The following PHF14 variants were observed in gnomAD, a reference collection of about 807,000 sequenced individuals.
The protein encoded by PHF14 is PHD finger protein 14.
A neutral mutation model predicts 117.9 loss-of-function variants in PHF14; 55 were observed. The observed-to-expected ratio is 0.47, with a 90% confidence interval of 0.38 to 0.58. The LOEUF is 0.58. Among genes scored for constraint, PHF14 ranks in the 20% least tolerant of loss-of-function variants. PHF14 has a pLI of 0.00. For missense variants in PHF14, 978 were observed against 1,122.2 expected, an observed-to-expected ratio of 0.87 and a Z score of 1.84; for synonymous variants, 409 against 368.6, an observed-to-expected ratio of 1.11 and a Z score of -1.26.
rs1159493505 is a variant in PHF14 at position 11,036,404 on chromosome 7, C to T, written c.1603-14C>T. 8 of 1,574,690 alleles carry T rather than the reference C, an allele frequency of 5.1e-6. No individual in the cohort carries two copies. The East Asian group carries it at 1.4e-4, about 27-fold the overall frequency. On this transcript the variant is annotated splice_polypyrimidine_tract_variant and intron_variant, in intron 8 of 17. Coordinates refer to ENST00000634607, the MANE Select transcript of PHF14 (RefSeq NM_001007157.2). ...TTTATTATCTTTTAAAATTTGAATA[C>T]ATTTCTTTTATAGGCAAGGATCAAT...
chr7:11,055,320 CT>C (rs1199025920), intron 14 of PHF14, among the ~76,000 whole-genome samples: 1 of 152,068 alleles, frequency 6.6e-6, no homozygotes, highest in Non-Finnish European at 1.5e-5. Flanking sequence ...TTCAGATTTT[CT>C]TTTTGCTTTC....
intron 16 of PHF14, chr7:11,110,142 T>G (rs956226633): frequency 1.3e-5 from 2 of 151,410 alleles, no homozygotes; most frequent in African/African-American, 2.4e-5. Flanking sequence ...TTTCTTAAAG[T>G]CAATTGTTTT....
chr7:11,167,686 CAG>C (rs946874937), intron 17 of PHF14, among the ~76,000 whole-genome samples: 21 of 152,284 alleles, frequency 1.4e-4, no homozygotes, highest in African/African-American at 4.6e-4. Context: ...CTGAAGAAGA[CAG>C]GGGAAAGTGT....
At chr7:11,009,023 G>T (rs1438551477) in intron 4 of PHF14, among the ~76,000 whole-genome samples, 1 of 135,888 alleles carries the variant, frequency 7.4e-6, no homozygotes. Context: ...GCGACAGAGT[G>T]AGACTCTGTC....
rs1787438292 is a variant in PHF14, at chr7:11,111,333, A to ATCTT, written c.2655-14_2655-13insTTCT. The ATCTT allele has an allele frequency of 3.8e-6, 5 of 1,300,012 alleles. No individual in the cohort carries two copies. Among genetic ancestry groups the ATCTT allele is most frequent in the African/African-American group, 2.9e-5 (2 of 68,868 alleles). 80.5% of individuals were successfully genotyped at this position (1,300,012 alleles called of 1,614,324 possible). Reference sequence around the variant, plus strand: ...ATTATTTAGATACACCTACCTATAAATCTGTTTACCCTGCAGGTGTGATGA... The same window carrying ATCTT: ...ATTATTTAGATACACCTACCTATAAATCTTTCTGTTTACCCTGCAGGTGTGATGA... On this transcript the variant is annotated splice_polypyrimidine_tract_variant and intron_variant, in intron 16 of 17. Coordinates refer to ENST00000634607, the MANE Select transcript of PHF14 (RefSeq NM_001007157.2).
chr7:11,081,295 T>C (rs7779388), intron 16 of PHF14, among the ~76,000 whole-genome samples: 2,730 of 152,270 alleles, frequency 0.018, 69 homozygotes, highest in African/African-American at 0.062. Flanking sequence ...ACAATACTAT[T>C]TGTAAAGTAA....
At chr7:11,127,294 G>A (rs1475674567) in intron 17 of PHF14, among the ~76,000 whole-genome samples, 1 of 146,908 alleles carries the variant, frequency 6.8e-6, no homozygotes, top group Non-Finnish European at 1.5e-5. Flanking sequence ...GAGGTGCCTT[G>A]ATATGAGAGA....
At chr7:11,004,764 G>T (rs547463474) in intron 4 of PHF14, among the ~76,000 whole-genome samples, 3 of 151,434 alleles carry the variant, frequency 2.0e-5, no homozygotes, top group Non-Finnish European at 4.4e-5. Context: ...GGCTGGGTGC[G>T]GTGGCTCATG....
intron 2 of PHF14, among the ~76,000 whole-genome samples, chr7:10,978,480 A>C (rs1477169260): frequency 2.0e-5 from 3 of 152,206 alleles, no homozygotes; most frequent in Admixed American, 6.5e-5. Flanking sequence ...CAAAAATTAA[A>C]AGTGTTGAGA....
At chr7:10,974,506 A>G (rs1279025986) in intron 1 of PHF14, among the ~76,000 whole-genome samples, 182 bp downstream of exon 1, 2 of 152,252 alleles carry the variant, frequency 1.3e-5, no homozygotes, top group Non-Finnish European at 2.9e-5. Context: ...TGCCGTTTTT[A>G]TTGACTGTTA....
chr7:10,985,770 A>G (rs1036669326), intron 3 of PHF14, among the ~76,000 whole-genome samples: 1 of 144,778 alleles, frequency 6.9e-6, no homozygotes, highest in African/African-American at 2.6e-5. Flanking sequence ...CTTCTGCCTC[A>G]GTCTCCCAAG....
chr7:11,040,813 G>A (rs1397595123), intron 12 of PHF14, 38 bp downstream of exon 12: 4 of 1,025,684 alleles, frequency 3.9e-6, no homozygotes, highest in South Asian at 2.0e-5. Context: ...ATAATGTTGT[G>A]TATTTTTTTA....
chr7:10,986,836 C>A (rs188042452), intron 3 of PHF14, among the ~76,000 whole-genome samples: 1 of 151,990 alleles, frequency 6.6e-6, no homozygotes. Context: ...AATCCATGAC[C>A]GTAAATTATA....
intron 2 of PHF14, 141 bp from the exon 3 acceptor site, chr7:10,982,231 A>G (rs1231723005): frequency 3.5e-6 from 2 of 565,952 alleles, no homozygotes; most frequent in East Asian, 3.0e-5. Flanking sequence ...GGGAATGTCT[A>G]CCATTCTTTG....
At chr7:11,064,084 C>T (rs558450549) in intron 16 of PHF14, among the ~76,000 whole-genome samples, 243 of 151,804 alleles carry the variant, frequency 1.6e-3, no homozygotes, top group Admixed American at 2.6e-3. Context: ...TTTAATATTT[C>T]TTAGGACAAG....
chr7:11,032,590 TAGG>T (rs1784156005), intron 7 of PHF14, among the ~76,000 whole-genome samples: 3 of 152,284 alleles, frequency 2.0e-5, no homozygotes, highest in African/African-American at 4.8e-5. Context: ...TTTTGTTTGT[TAGG>T]AGTAGAGTTA....
At chr7:10,976,636 TACAAAC>T (rs1230022016) in intron 2 of PHF14, among the ~76,000 whole-genome samples, 1 of 152,060 alleles carries the variant, frequency 6.6e-6, no homozygotes, top group African/African-American at 2.4e-5. Context: ...AACAATCTGA[TACAAAC>T]ATAAAGTACT....
At chr7:11,067,970 G>C (rs1043882688) in intron 16 of PHF14, among the ~76,000 whole-genome samples, 40 of 152,046 alleles carry the variant, frequency 2.6e-4, no homozygotes, top group African/African-American at 9.4e-4. Flanking sequence ...CCCTAAAGTG[G>C]GATCACATTT....
rs530231187 is a variant in PHF14, at chr7:11,063,826, CTA to C, written c.2654+1743_2654+1744del. On this transcript the variant is annotated intron_variant, in intron 16 of 17. Coordinates refer to ENST00000634607, the MANE Select transcript of PHF14 (RefSeq NM_001007157.2). ...GATAAGATTTTTGAATAGTATTACT[CTA>C]TGTTATTTATTTCTTTAGTTTCTGT... 2.6e-4 allele frequency: 73 copies of C among 285,080 alleles called. 1 individual carries two copies. The South Asian group carries it at 8.7e-3, about 34-fold the overall frequency. 17.7% of individuals were successfully genotyped at this position (285,080 alleles called of 1,614,324 possible). A position where few individuals can be genotyped will look rare whatever the true frequency, so the allele number is the denominator to read the frequency against.
Sources: gnomAD v4.1 joint callset for allele counts (sites outside exome capture counted in the v4.1 genomes callset) on GRCh38, gnomAD v4.1.1 for gene constraint, MANE v1.5 for transcripts, NCBI Gene and HGNC (gene_info 2026-07-23, HGNC 2026-07-21) for gene names.